Variants in DOCK7 observed in about 807,000 individuals in gnomAD.
The protein encoded by DOCK7 is dedicator of cytokinesis 7, also known as dedicator of cytokinesis protein 7.
DOCK7 carries 138 observed loss-of-function variants against 271.0 expected under a neutral mutation model. The observed-to-expected ratio is 0.51, with a 90% confidence interval of 0.44 to 0.59. DOCK7 has a LOEUF of 0.59. DOCK7 is among the 20% of genes least tolerant of loss of function. The pLI is 0.00. For missense variants in DOCK7, 2,066 were observed against 2,592.4 expected (o/e 0.80, Z 4.41); for synonymous variants, 823 against 876.1 (o/e 0.94, Z 1.07).
intron 22 of DOCK7, among the ~76,000 whole-genome samples, chr1:62,548,983 A>G (rs1645803536): frequency 6.6e-6 from 1 of 152,222 alleles, no homozygotes; most frequent in African/African-American, 2.4e-5. Flanking sequence ...TTTGGGAATC[A>G]TTAGCATAAC....
At chr1:62,678,923 C>T (rs1660815113) in intron 1 of DOCK7, among the ~76,000 whole-genome samples, 1 of 152,036 alleles carries the variant, frequency 6.6e-6, no homozygotes, top group Non-Finnish European at 1.5e-5. Flanking sequence ...AAGATAAATG[C>T]TTGACATGAT....
At chr1:62,503,086 A>C (rs1646833255) in intron 37 of DOCK7, among the ~76,000 whole-genome samples, 1 of 152,172 alleles carries the variant, frequency 6.6e-6, no homozygotes, top group Non-Finnish European at 1.5e-5. Flanking sequence ...TAAATTCCAA[A>C]GGAGAAAAAC....
intron 29 of DOCK7, among the ~76,000 whole-genome samples, chr1:62,533,439 A>ATT (rs141381355): frequency 4.6e-5 from 7 of 151,164 alleles, no homozygotes; most frequent in African/African-American, 9.7e-5. Context: ...TCCTTTATTT[A>ATT]TTTTTTTTAA....
chr1:62,477,163 A>G (rs749497286), intron 44 of DOCK7: 1 of 152,236 alleles, frequency 6.6e-6, no homozygotes, highest in Admixed American at 6.5e-5. Flanking sequence ...AAGAATAACT[A>G]TAACAGAAAA....
At chr1:62,554,857 C>CA (rs1646087327) in intron 21 of DOCK7, among the ~76,000 whole-genome samples, 1 of 152,134 alleles carries the variant, frequency 6.6e-6, no homozygotes, top group Non-Finnish European at 1.5e-5. Flanking sequence ...ATATAAATGT[C>CA]AATTGCTTTT....
intron 1 of DOCK7, among the ~76,000 whole-genome samples, chr1:62,674,698 T>G (rs1660358360): frequency 6.6e-6 from 1 of 152,272 alleles, no homozygotes; most frequent in Middle Eastern, 3.4e-3. Flanking sequence ...GCCAAGGCAA[T>G]TCAATTGGAC....
chr1:62,641,458 G>A, intron 7 of DOCK7: 1 of 421,172 alleles, frequency 2.4e-6, no homozygotes. Context: ...TGGTCTTGTG[G>A]GGCAGCATGC....
intron 42 of DOCK7, 159 bp downstream of exon 42, chr1:62,488,775 A>T (rs1272456258): frequency 4.6e-6 from 4 of 877,482 alleles, no homozygotes; most frequent in African/African-American, 1.7e-5. Context: ...ATTGTTAATG[A>T]GCTTTGCTTT....
intron 49 of DOCK7, among the ~76,000 whole-genome samples, chr1:62,456,625 C>T (rs1249204849): frequency 2.0e-5 from 3 of 152,102 alleles, no homozygotes; most frequent in Middle Eastern, 3.4e-3. Flanking sequence ...TCATAGAGGA[C>T]GGCAAAAACT....
chr1:62,626,922 CAG>C (rs1180508073), intron 11 of DOCK7, among the ~76,000 whole-genome samples: 1 of 152,052 alleles, frequency 6.6e-6, no homozygotes, highest in African/African-American at 2.4e-5. Flanking sequence ...CAAAACCAGA[CAG>C]AGTCATCAAA....
chr1:62,656,516 C>T (rs1658033026), intron 2 of DOCK7, among the ~76,000 whole-genome samples: 1 of 152,088 alleles, frequency 6.6e-6, no homozygotes, highest in African/African-American at 2.4e-5. Flanking sequence ...AGTGCTCAAA[C>T]ATCAAAAGTC....
chr1:62,597,993 G>A, intron 14 of DOCK7: 5 of 1,567,644 alleles, frequency 3.2e-6, no homozygotes, highest in South Asian at 1.2e-5. Context: ...ATATTTAGAA[G>A]AGCAACTAAC....
chr1:62,473,884 C>T (rs1003038817), intron 48 of DOCK7, 98 bp downstream of exon 48: 20 of 913,356 alleles, frequency 2.2e-5, no homozygotes, highest in South Asian at 3.8e-5. Context: ...TGTGCCTAGC[C>T]TATTTTCTCT....
At chr1:62,563,926 C>T (rs541593972) in intron 18 of DOCK7, among the ~76,000 whole-genome samples, 3 of 134,404 alleles carry the variant, frequency 2.2e-5, no homozygotes, top group East Asian at 2.4e-4. Context: ...TAATCCTAGT[C>T]TCTGATAAAA....
At position 62,688,207 on chromosome 1, in the gene DOCK7, G is replaced by GCC; in HGVS notation, c.38+18_38+19dup. The GCC allele has an allele frequency of 3.7e-6, 5 of 1,369,520 alleles. No individual in the cohort carries two copies. Among genetic ancestry groups the GCC allele is most frequent in the African/African-American group, 1.5e-5 (1 of 66,532 alleles). 84.8% of individuals were successfully genotyped at this position (1,369,520 alleles called of 1,614,324 possible). ...CTTTCTCGGGCGGCGGCGGCGGCGC[G>GCC]CCCCACGCCGGATATTTACCTGCTG... On this transcript the variant is annotated intron_variant, in intron 1 of 49. Transcript: ENST00000635253.
At position 62,496,327 on chromosome 1, in the gene DOCK7, A is replaced by C; in HGVS notation, c.4923+12T>G. The C allele has an allele frequency of 6.2e-7, 1 of 1,611,194 alleles. No homozygotes were observed. On this transcript the variant is annotated intron_variant, in intron 38 of 49. Transcript: ENST00000635253. ...TATTTCAATTAATGATCTAGAAAGC[A>C]GCATTTCTGACCTGATCAGGAAATG...
At chr1:62,466,188 T>C (rs977383844) in intron 48 of DOCK7, among the ~76,000 whole-genome samples, 1 of 151,304 alleles carries the variant, frequency 6.6e-6, no homozygotes, top group East Asian at 1.9e-4. Flanking sequence ...CCTGAACAGG[T>C]TTTTTTTTGT....
chr1:62,660,847 A>T (rs1452326204), intron 2 of DOCK7, among the ~76,000 whole-genome samples: 1 of 152,212 alleles, frequency 6.6e-6, no homozygotes, highest in Non-Finnish European at 1.5e-5. Context: ...TCACATCTGT[A>T]ATCCCAACAC....
chr1:62,585,199 G>A (rs1198504284), intron 15 of DOCK7, among the ~76,000 whole-genome samples: 1 of 151,920 alleles, frequency 6.6e-6, no homozygotes, highest in African/African-American at 2.4e-5. Context: ...TGCCATACGA[G>A]AATACAAAGA....
Sources: gnomAD v4.1 joint callset for allele counts (sites outside exome capture counted in the v4.1 genomes callset) on GRCh38, gnomAD v4.1.1 for gene constraint, MANE v1.5 for transcripts, NCBI Gene and HGNC (gene_info 2026-07-23, HGNC 2026-07-21) for gene names.